The following ZNF423 variants were observed in gnomAD, a reference collection of about 807,000 sequenced individuals.
The protein encoded by ZNF423 is zinc finger protein 423, also known as Ebf-associated zinc finger protein.
A neutral mutation model predicts 95.8 loss-of-function variants in ZNF423; 12 were observed. That is an observed-to-expected ratio of 0.13 (90% CI 0.08 to 0.20). The LOEUF is 0.20. ZNF423 is among the 10% of genes least tolerant of loss of function. The pLI is 1.00. For missense variants in ZNF423, 1,316 were observed against 1,737.1 expected, an observed-to-expected ratio of 0.76 and a Z score of 4.31; for synonymous variants, 749 against 711.9, an observed-to-expected ratio of 1.05 and a Z score of -0.83.
intron 5 of ZNF423, among the ~76,000 whole-genome samples, chr16:49,527,231 G>A (rs1283985079): frequency 2.0e-5 from 3 of 152,006 alleles, no homozygotes; most frequent in African/African-American, 4.8e-5. Flanking sequence ...GGAATCTACC[G>A]GGTGTTTGTC....
At chr16:49,813,131 C>T (rs934486219) in intron 1 of ZNF423, among the ~76,000 whole-genome samples, 22 of 152,142 alleles carry the variant, frequency 1.4e-4, no homozygotes, top group African/African-American at 2.4e-5. Flanking sequence ...TTGCTGCTCT[C>T]TCTCAACTCC....
intron 2 of ZNF423, among the ~76,000 whole-genome samples, chr16:49,756,531 G>A (rs1252384786): frequency 1.3e-5 from 2 of 152,294 alleles, no homozygotes; most frequent in East Asian, 1.9e-4. Context: ...AAGAGCACCC[G>A]GACTGCCACA....
intron 2 of ZNF423, among the ~76,000 whole-genome samples, chr16:49,786,833 G>A (rs1209534266): frequency 6.6e-6 from 1 of 152,222 alleles, no homozygotes; most frequent in Non-Finnish European, 1.5e-5. Context: ...TGGCCTGGGA[G>A]GTTTTGCTCC....
At chr16:49,546,459 C>G (rs1969444582) in intron 5 of ZNF423, among the ~76,000 whole-genome samples, 1 of 152,204 alleles carries the variant, frequency 6.6e-6, no homozygotes, top group Non-Finnish European at 1.5e-5. Flanking sequence ...TGATAACTCA[C>G]AAGGTCACTC....
chr16:49,603,858 C>T lies in ZNF423; in HGVS notation c.3601+22312G>A, dbSNP rs1372956638. On this transcript the variant is annotated intron_variant, in intron 5 of 7. Coordinates refer to ENST00000563137, the MANE Select transcript of ZNF423 (RefSeq NM_001379286.1). The surrounding 1 kb of genome is among the most constrained non-coding windows in gnomAD (Gnocchi z 4.1). ...TACCAAAAGTAAGAAAATAGCCTCC[C>T]TCCTTCCTCATCCTCCAAGCAGTCC... 6.6e-6 allele frequency among the ~76,000 whole-genome samples: 1 copy of T among 152,210 alleles called. No homozygotes were observed. The highest frequency in any genetic ancestry group is 2.4e-5 in the African/African-American group (1 of 41,454).
At chr16:49,506,255 G>C (rs143666383) in intron 7 of ZNF423, among the ~76,000 whole-genome samples, 45 of 152,300 alleles carry the variant, frequency 3.0e-4, no homozygotes, top group African/African-American at 1.0e-3. Context: ...GAGATGGATG[G>C]TAGATGATGG....
intron 1 of ZNF423, among the ~76,000 whole-genome samples, chr16:49,795,249 A>G (rs901933252): frequency 3.9e-5 from 6 of 152,044 alleles, no homozygotes; most frequent in Non-Finnish European, 8.8e-5. Flanking sequence ...CTTTGTTCAG[A>G]ACCAGGCAGT....
chr16:49,551,347 T>C (rs915198554), intron 5 of ZNF423, among the ~76,000 whole-genome samples: 22 of 152,170 alleles, frequency 1.4e-4, no homozygotes, highest in African/African-American at 5.1e-4. Context: ...AAGGAATTGG[T>C]TCCTATCAGC....
intron 1 of ZNF423, among the ~76,000 whole-genome samples, chr16:49,798,608 C>G: frequency 6.6e-6 from 1 of 151,706 alleles, no homozygotes; most frequent in East Asian, 1.9e-4. Flanking sequence ...TAAATACATA[C>G]AATTTTTTTT....
intron 1 of ZNF423, among the ~76,000 whole-genome samples, chr16:49,826,304 C>A (rs1476554807): frequency 6.6e-6 from 1 of 152,190 alleles, no homozygotes; most frequent in Non-Finnish European, 1.5e-5. Flanking sequence ...CCAGAGGACT[C>A]AAAGAGAACC....
intron 1 of ZNF423, among the ~76,000 whole-genome samples, chr16:49,790,338 C>G (rs776124855): frequency 2.6e-4 from 39 of 152,254 alleles, no homozygotes; most frequent in Non-Finnish European, 4.7e-4. Context: ...TCTGCACTGT[C>G]GATGTTCTTG....
intron 5 of ZNF423, among the ~76,000 whole-genome samples, chr16:49,567,473 C>A (rs1970228755): frequency 6.6e-6 from 1 of 152,040 alleles, no homozygotes; most frequent in African/African-American, 2.4e-5. Context: ...CTAGACAGAC[C>A]CCAGAAGGGT....
intron 5 of ZNF423, among the ~76,000 whole-genome samples, chr16:49,529,386 C>T (rs933117992): frequency 1.3e-5 from 2 of 152,114 alleles, no homozygotes; most frequent in Admixed American, 6.5e-5. Flanking sequence ...TCCCAAAGTC[C>T]CTGTCTCTCC....
In ZNF423 at chr16:49,778,133, A is replaced by T. The variant is rs564130376; in HGVS notation, c.100+11354T>A. Among the ~76,000 whole-genome samples the T allele has an allele frequency of 3.2e-4, 48 of 152,314 alleles. 1 individual carries two copies. In the East Asian group the frequency reaches 8.5e-3, roughly 27 times the overall value. ...AATTATCAGTGGAGGTAAAATAATA[A>T]TTTTTTGAACCAGAGAGGCATCAGA... On this transcript the variant is annotated intron_variant, in intron 2 of 7. Transcript: ENST00000563137.
chr16:49,723,952 A>G (rs1008235664), intron 3 of ZNF423, among the ~76,000 whole-genome samples: 11 of 151,846 alleles, frequency 7.2e-5, no homozygotes, highest in African/African-American at 2.7e-4. Context: ...TCCTGTCCCC[A>G]CTCCCTGTTC....
At chr16:49,573,170 G>T (rs1216927119) in intron 5 of ZNF423, among the ~76,000 whole-genome samples, 1 of 152,130 alleles carries the variant, frequency 6.6e-6, no homozygotes, top group Admixed American at 6.5e-5. Context: ...GGAGTAAATG[G>T]ATACATGGAT....
At chr16:49,628,617 C>T (rs2151869908) in intron 4 of ZNF423, among the ~76,000 whole-genome samples, 1 of 152,164 alleles carries the variant, frequency 6.6e-6, no homozygotes, top group South Asian at 2.1e-4. Context: ...ATTTACTTAC[C>T]CTAATAACCA....
intron 2 of ZNF423, among the ~76,000 whole-genome samples, chr16:49,735,776 T>C (rs1596945750): frequency 6.6e-6 from 1 of 152,148 alleles, no homozygotes; most frequent in Non-Finnish European, 1.5e-5. Flanking sequence ...ACTTCAGCCA[T>C]GGGAGCACAC....
At chr16:49,631,673 G>A (rs1972505840) in intron 4 of ZNF423, among the ~76,000 whole-genome samples, 1 of 152,210 alleles carries the variant, frequency 6.6e-6, no homozygotes, top group South Asian at 2.1e-4. Flanking sequence ...GGAGAGGGAG[G>A]GCAGGGAAGA....
Sources: gnomAD v4.1 joint callset for allele counts (sites outside exome capture counted in the v4.1 genomes callset) on GRCh38, gnomAD v4.1.1 for gene constraint, Gnocchi (gnomAD v3.1) non-coding constraint, MANE v1.5 for transcripts, NCBI Gene and HGNC (gene_info 2026-07-23, HGNC 2026-07-21) for gene names.